The following PCA3 variants were observed in gnomAD, a reference collection of about 807,000 sequenced individuals.
PCA3 encodes prostate cancer associated 3.
chr9:76,782,585 C>T (rs969795901), intron 2 of PCA3: 14 of 152,100 alleles, frequency 9.2e-5, no homozygotes, highest in Admixed American at 9.2e-4. Context: ...TGTTAAGTTC[C>T]ATGTAAATAC....
intron 2 of PCA3, chr9:76,786,688 G>A (rs1158801434): frequency 6.6e-6 from 1 of 152,152 alleles, no homozygotes; most frequent in African/African-American, 2.4e-5. Flanking sequence ...TGAATGCCTA[G>A]ACCCTTATTT....
intron 2 of PCA3, among the ~76,000 whole-genome samples, chr9:76,771,408 T>C (rs2053087900): frequency 6.6e-6 from 1 of 152,208 alleles, no homozygotes; most frequent in Non-Finnish European, 1.5e-5. Flanking sequence ...TAATAAGTCC[T>C]ACTATATGCT....
At chr9:76,770,303 T>C (rs963258342) in intron 2 of PCA3, among the ~76,000 whole-genome samples, 2 of 152,216 alleles carry the variant, frequency 1.3e-5, no homozygotes, top group Non-Finnish European at 2.9e-5. Context: ...TAAGTTTCTC[T>C]GGACTTTGAA....
At chr9:76,774,689 C>A (rs1347393553) in intron 2 of PCA3, among the ~76,000 whole-genome samples, 1 of 151,902 alleles carries the variant, frequency 6.6e-6, no homozygotes, top group Non-Finnish European at 1.5e-5. Context: ...GAATTCCCGA[C>A]CTCAGGTGAT....
chr9:76,770,888 A>T (rs1342712776), intron 2 of PCA3, among the ~76,000 whole-genome samples: 2 of 152,184 alleles, frequency 1.3e-5, no homozygotes, highest in African/African-American at 4.8e-5. Flanking sequence ...TGCGAAAGTA[A>T]ATTTGTGAAG....
intron 2 of PCA3, chr9:76,785,621 T>G (rs1027157481): frequency 2.0e-5 from 3 of 152,170 alleles, no homozygotes; most frequent in African/African-American, 7.2e-5. Flanking sequence ...TGAGATGTGT[T>G]TGTCCTTGTA....
chr9:76,766,178 G>A, intron 2 of PCA3, among the ~76,000 whole-genome samples: 1 of 122,040 alleles, frequency 8.2e-6, no homozygotes, highest in African/African-American at 3.2e-5. Context: ...GCAAGACTCT[G>A]CCTCAAAAAA....
intron 2 of PCA3, among the ~76,000 whole-genome samples, chr9:76,776,946 A>AC (rs2053864383): frequency 1.6e-4 from 23 of 142,810 alleles, no homozygotes; most frequent in Non-Finnish European, 2.9e-4. Flanking sequence ...ACACACACAC[A>AC]AAGGGCCTGG....
intron 2 of PCA3, chr9:76,787,445 C>T (rs2055107717): frequency 6.6e-6 from 1 of 151,942 alleles, no homozygotes; most frequent in African/African-American, 2.4e-5. Flanking sequence ...GCATGTGGGA[C>T]TTAAAACCTA....
intron 2 of PCA3, among the ~76,000 whole-genome samples, chr9:76,775,497 C>T (rs148395003): frequency 1.3e-4 from 19 of 151,990 alleles, no homozygotes; most frequent in African/African-American, 4.8e-5. Flanking sequence ...GATGGGATCT[C>T]GCTATGCTGC....
chr9:76,767,076 T>G (rs1366180587), intron 2 of PCA3, among the ~76,000 whole-genome samples: 1 of 152,206 alleles, frequency 6.6e-6, no homozygotes, highest in Admixed American at 6.5e-5. Context: ...ACATACTTAC[T>G]GATGAATAAA....
intron 2 of PCA3, among the ~76,000 whole-genome samples, chr9:76,776,905 C>T (rs911014248): frequency 5.2e-5 from 5 of 95,610 alleles, no homozygotes; most frequent in Admixed American, 2.0e-4. Context: ...CACACACACA[C>T]ACACACACAC....
chr9:76,765,908 C>T lies in PCA3; in HGVS notation n.852+29293C>T, dbSNP rs149371170. Reference sequence around the variant, plus strand: ...TAGAAATATCTCGTTAGAGGCCAGACGCGGTGGCTCACGCCTATAATCCCA... The same window carrying T: ...TAGAAATATCTCGTTAGAGGCCAGATGCGGTGGCTCACGCCTATAATCCCA... On this transcript the variant is annotated intron_variant and non_coding_transcript_variant, in intron 2 of 5. Coordinates refer to ENST00000644657, the Ensembl canonical transcript of PCA3. Among the ~76,000 whole-genome samples the T allele has an allele frequency of 2.0e-4, 30 of 152,222 alleles. No individual in the cohort carries two copies. In the East Asian group the frequency reaches 3.5e-3, roughly 18 times the overall value.
intron 2 of PCA3, among the ~76,000 whole-genome samples, chr9:76,774,460 T>TATTTATTTATTTATTTATTTTA (rs1564272674): frequency 7.2e-6 from 1 of 138,578 alleles, no homozygotes; most frequent in Non-Finnish European, 1.6e-5. Flanking sequence ...CTTTTTTTTT[T>TATTTATTTATTTATTTATTTTA]TTTTTTTTTT....
At chr9:76,776,518 CTT>C (rs796197139) in intron 2 of PCA3, among the ~76,000 whole-genome samples, 79 of 122,820 alleles carry the variant, frequency 6.4e-4, no homozygotes, top group African/African-American at 2.2e-3. Context: ...TTTCTTTTTT[CTT>C]TTTTTTTTTT....
chr9:76,774,301 A>G (rs760805240), intron 2 of PCA3, among the ~76,000 whole-genome samples: 22 of 151,400 alleles, frequency 1.5e-4, no homozygotes, highest in Non-Finnish European at 3.1e-4. Context: ...ATGCCCAGTT[A>G]ATTTTTTGTA....
At chr9:76,776,678 C>G (rs72512939) in intron 2 of PCA3, among the ~76,000 whole-genome samples, 5,942 of 151,690 alleles carry the variant, frequency 0.039, 267 homozygotes, top group African/African-American at 0.11. Context: ...CTATGCCTAG[C>G]TAGTATTTCT....
intron 2 of PCA3, chr9:76,784,124 G>A (rs1170079165): frequency 1.5e-4 from 23 of 152,234 alleles, no homozygotes; most frequent in Admixed American, 1.5e-3. Flanking sequence ...AGATCCCTGG[G>A]AGAAATGCCC....
chr9:76,773,631 G>A (rs1336277750), intron 2 of PCA3, among the ~76,000 whole-genome samples: 1 of 151,954 alleles, frequency 6.6e-6, no homozygotes, highest in Non-Finnish European at 1.5e-5. Context: ...TTTAGTACAG[G>A]AGGGGTTTTG....
Sources: allele counts gnomAD v4.1 joint callset (sites outside exome capture counted in the v4.1 genomes callset), GRCh38; gene constraint gnomAD v4.1.1; transcripts MANE v1.5; gene names NCBI Gene and HGNC (gene_info 2026-07-23, HGNC 2026-07-21).